The following CERT1 variants were observed in gnomAD, a reference collection of about 807,000 sequenced individuals.
The protein encoded by CERT1 is ceramide transporter 1.
In CERT1, 31 loss-of-function variants were observed where a neutral mutation model predicts 87.9. The ratio of observed to expected loss-of-function variants is 0.35; its 90% CI spans 0.27 to 0.48. CERT1 has a LOEUF of 0.48. Ranked by LOEUF, CERT1 falls within the 20% of genes least tolerant of loss-of-function variation. The pLI is 0.99. For missense variants in CERT1, 487 were observed against 758.0 expected, an observed-to-expected ratio of 0.64 and a Z score of 4.20; for synonymous variants, 289 against 250.9, an observed-to-expected ratio of 1.15 and a Z score of -1.44.
At chr5:75,390,632 T>G (rs796352540) in intron 11 of CERT1, among the ~76,000 whole-genome samples, 2 of 152,182 alleles carry the variant, frequency 1.3e-5, no homozygotes, top group South Asian at 4.1e-4. Flanking sequence ...CAAAGTAATT[T>G]CATTTTCTGT....
At chr5:75,498,304 A>T (rs1767171867) in intron 2 of CERT1, among the ~76,000 whole-genome samples, 1 of 152,244 alleles carries the variant, frequency 6.6e-6, no homozygotes, top group African/African-American at 2.4e-5. Flanking sequence ...AATTTGCATA[A>T]GTAACAAGGA....
intron 3 of CERT1, among the ~76,000 whole-genome samples, chr5:75,442,378 G>A (rs917235434): frequency 1.2e-4 from 18 of 152,068 alleles, no homozygotes; most frequent in African/African-American, 3.9e-4. Context: ...ACACCACCAC[G>A]TCCAGCTAAT....
At chr5:75,423,461 C>T (rs1763473435) in intron 5 of CERT1, among the ~76,000 whole-genome samples, 1 of 152,010 alleles carries the variant, frequency 6.6e-6, no homozygotes, top group Admixed American at 6.6e-5. Context: ...ACTTCAAGGC[C>T]AGGCACAATG....
Position 75,509,503 on chromosome 5 carries a change from C to A in CERT1, c.96+1609G>T, listed in dbSNP as rs77045663. ...AACAGTCAAAATTTAAGCTATTCAC[C>A]TTCCATAGAGGTGATCAAATACATT... On this transcript the variant is annotated intron_variant, in intron 1 of 16. Coordinates refer to ENST00000643780, the MANE Select transcript of CERT1 (RefSeq NM_001379029.1). Among the ~76,000 whole-genome samples the A allele has an allele frequency of 7.3e-3, 1,106 of 152,210 alleles. 18 individuals are homozygous for A. Among genetic ancestry groups the A allele is most frequent in the African/African-American group, 0.025 (1,036 of 41,532 alleles).
chr5:75,452,146 G>A (rs1346719398), intron 3 of CERT1, among the ~76,000 whole-genome samples: 2 of 151,998 alleles, frequency 1.3e-5, no homozygotes, highest in Non-Finnish European at 2.9e-5. Flanking sequence ...CTTCACAAAG[G>A]GTAAGAACAA....
Position 75,495,480 on chromosome 5 carries a change from C to A in CERT1, c.231+10502G>T, listed in dbSNP as rs185853038. On this transcript the variant is annotated intron_variant, in intron 2 of 16. Transcript: ENST00000643780. ...GGCTGAGGCAGAAGAATTACTTCAG[C>A]CCAGGAGGTAGAGGCTTCAGTGTGC... Among the ~76,000 whole-genome samples the A allele has an allele frequency of 1.6e-4, 25 of 152,176 alleles. No homozygotes were observed. In the East Asian group the frequency reaches 4.1e-3, roughly 25 times the overall value.
intron 3 of CERT1, among the ~76,000 whole-genome samples, chr5:75,436,514 C>T (rs957190444): frequency 6.6e-6 from 1 of 152,080 alleles, no homozygotes; most frequent in African/African-American, 2.4e-5. Flanking sequence ...TTTTCCTTCC[C>T]TTTCCCTTTC....
At chr5:75,377,772 G>C (rs1231113741), downstream of CERT1, 1 of 152,188 alleles carries the variant, frequency 6.6e-6, no homozygotes, top group East Asian at 1.9e-4. Flanking sequence ...AAATTTTACT[G>C]TATAACTTTT....
intron 2 of CERT1, among the ~76,000 whole-genome samples, chr5:75,477,377 T>A (rs1486296343): frequency 6.6e-6 from 1 of 152,124 alleles, no homozygotes; most frequent in Non-Finnish European, 1.5e-5. Context: ...TAGTCTTTTT[T>A]TTTAAGATAA....
chr5:75,432,354 A>G (rs1328099079), intron 3 of CERT1, among the ~76,000 whole-genome samples: 1 of 152,148 alleles, frequency 6.6e-6, no homozygotes, highest in Non-Finnish European at 1.5e-5. Flanking sequence ...ACGCCCGGCC[A>G]AGCATTCCCT....
intron 12 of CERT1, among the ~76,000 whole-genome samples, chr5:75,388,515 ATCTT>A (rs1338242750): frequency 1.4e-5 from 2 of 147,992 alleles, no homozygotes; most frequent in African/African-American, 4.9e-5. Context: ...AATCACAGAG[ATCTT>A]TCTTTTCTGA....
intron 2 of CERT1, among the ~76,000 whole-genome samples, chr5:75,489,750 G>A (rs1291827361): frequency 1.3e-5 from 2 of 152,212 alleles, no homozygotes; most frequent in East Asian, 1.9e-4. Context: ...TGCTGGAGAG[G>A]ATGTGGAGAA....
chr5:75,392,896 C>T (rs763413358), intron 11 of CERT1, among the ~76,000 whole-genome samples: 5 of 130,024 alleles, frequency 3.8e-5, no homozygotes, highest in South Asian at 2.7e-4. Flanking sequence ...CGTGAACCTG[C>T]GAGGCGGAGG....
At chr5:75,453,121 T>C (rs943397297) in intron 3 of CERT1, among the ~76,000 whole-genome samples, 1 of 152,182 alleles carries the variant, frequency 6.6e-6, no homozygotes, top group Non-Finnish European at 1.5e-5. Flanking sequence ...GTTAAAACTT[T>C]TCTTGTAGTG....
At chr5:75,500,049 AC>A (rs1767274341) in intron 2 of CERT1, among the ~76,000 whole-genome samples, 1 of 152,230 alleles carries the variant, frequency 6.6e-6, no homozygotes, top group South Asian at 2.1e-4. Flanking sequence ...CTGGAAAAAG[AC>A]AAATACATAA....
Position 75,385,995 on chromosome 5 carries a change from C to T in CERT1, c.1324G>A (p.Asp442Asn). Residue 442 changes from aspartate (D) to asparagine (N), a missense_variant, in exon 13 of 17, where the codon GAT becomes AAT. Transcript: ENST00000643780. The stretch of plus-strand genomic sequence containing the variant: ...ACTGCATGGGTAGCTTTTAAAGGAT[C>T]CAGAACAATCCCATTTTCTTCTACT... ...REVEENGIVL[D>N]PLKATHAVKG... 6.3e-7 allele frequency: 1 copy of T among 1,586,534 alleles called. No individual in the cohort carries two copies. Among genetic ancestry groups the T allele is most frequent in the Non-Finnish European group, 8.6e-7 (1 of 1,166,494 alleles).
At chr5:75,467,598 GC>G (rs1765513323) in intron 2 of CERT1, among the ~76,000 whole-genome samples, 3 of 145,258 alleles carry the variant, frequency 2.1e-5, no homozygotes, top group Non-Finnish European at 4.5e-5. Context: ...CCAAGATTGT[GC>G]CATAGCACTC....
intron 1 of CERT1, among the ~76,000 whole-genome samples, chr5:75,510,375 C>G (rs1399086228): frequency 6.6e-6 from 1 of 152,132 alleles, no homozygotes; most frequent in Non-Finnish European, 1.5e-5. Context: ...AATTTTGATA[C>G]AGGGATTTTA....
chr5:75,501,524 C>T (rs1476405148), intron 2 of CERT1, among the ~76,000 whole-genome samples: 1 of 152,292 alleles, frequency 6.6e-6, no homozygotes, highest in South Asian at 2.1e-4. Flanking sequence ...CCAAAAATCT[C>T]TACCTGTTTT....
Sources: gnomAD v4.1 joint callset for allele counts (sites outside exome capture counted in the v4.1 genomes callset) on GRCh38, gnomAD v4.1.1 for gene constraint, MANE v1.5 for transcripts, NCBI Gene and HGNC (gene_info 2026-07-23, HGNC 2026-07-21) for gene names.